The following TIMM17B variants were observed in gnomAD, a reference collection of about 807,000 sequenced individuals.
TIMM17B encodes the protein translocase of inner mitochondrial membrane 17B.
In TIMM17B, 10 loss-of-function variants were observed where a neutral mutation model predicts 15.9. That is an observed-to-expected ratio of 0.63 (90% CI 0.39 to 1.06). TIMM17B has a LOEUF of 1.06. Ranked by LOEUF, TIMM17B falls within the 50% of genes least tolerant of loss-of-function variation. The pLI is 0.01. For missense variants in TIMM17B, 114 were observed against 152.2 expected, an observed-to-expected ratio of 0.75 and a Z score of 1.32; for synonymous variants, 57 against 57.2, an observed-to-expected ratio of 1.00 and a Z score of 0.02.
chrX:48,897,078 G>A (rs1040195828), intron 2 of TIMM17B: 6 of 798,034 alleles, frequency 7.5e-6, no homozygotes, highest in Non-Finnish European at 1.0e-5. Flanking sequence ...ATTAGTCTTC[G>A]CCCTGTCTAC....
At chrX:48,896,176 A>G (rs2063310109) in intron 3 of TIMM17B, 1 of 95,785 alleles carries the variant, frequency 1.0e-5, no homozygotes, top group Non-Finnish European at 2.1e-5. Flanking sequence ...AAAAAAAAAC[A>G]TGGCCAGGCA....
At chrX:48,896,647 C>T (rs2063315848) in intron 3 of TIMM17B, 112 bp downstream of exon 2, 3 of 1,134,805 alleles carry the variant, frequency 2.6e-6, no homozygotes, top group Non-Finnish European at 3.5e-6. Flanking sequence ...GGTGAGTGGG[C>T]ACCAGAATGA....
intron 6 of TIMM17B, 23 bp downstream of exon 5, chrX:48,893,877 T>TC (rs781898500): frequency 1.7e-6 from 2 of 1,191,694 alleles, no homozygotes; most frequent in South Asian, 3.6e-5. Flanking sequence ...TATTTCCCAC[T>TC]CCCCCGACCA....
At chrX:48,895,057 G>A in exon 4 of TIMM17B, 1 of 1,201,288 alleles carries the variant, frequency 8.3e-7, no homozygotes, top group Non-Finnish European at 1.1e-6. Context: ...GGGGGGCTCG[G>A]ATCCTCACAG....
chrX:48,896,577 A>G, intron 3 of TIMM17B, 182 bp downstream of exon 2: 1 of 965,290 alleles, frequency 1.0e-6, no homozygotes, highest in African/African-American at 1.9e-5. Flanking sequence ...TGGAAGACAG[A>G]GGCCATGTTT....
At chrX:48,897,802 C>G (rs1290835705) in exon 2 of TIMM17B, 30 of 1,195,600 alleles carry the variant, frequency 2.5e-5, no homozygotes, top group Non-Finnish European at 3.2e-5. Flanking sequence ...TAGACGCACA[C>G]CGGCGTCGGA....
rs782293813 is a variant in TIMM17B at position 48,895,095 on chromosome X, G to A, written c.133C>T (p.Arg45Trp). The A allele has an allele frequency of 2.2e-5, 26 of 1,194,548 alleles. No individual in the cohort carries two copies. The Admixed American group carries it at 2.5e-4, about 12-fold the overall frequency. ...TTGGCACTACCTCTCAACCGGTGCC[G>A]AATTCCCTGGGGAAAGGAAGGAAGG... Residue 45 changes from arginine to tryptophan, a missense_variant, in exon 4 of 7, where the codon CGG becomes TGG. Transcript: ENST00000376582.
chrX:48,897,413 A>C, intron 2 of TIMM17B: 1 of 311,966 alleles, frequency 3.2e-6, no homozygotes. Context: ...AACTCTGGGG[A>C]TTTCCGGTCA....
chrX:48,894,323 A>C, intron 4 of TIMM17B, 98 bp from the exon 4 acceptor site: 1 of 911,711 alleles, frequency 1.1e-6, no homozygotes. Flanking sequence ...AAGAACAGGG[A>C]GAAAAACCCA....
chrX:48,894,073 G>A, intron 5 of TIMM17B, 24 bp downstream of exon 4: 1 of 1,194,868 alleles, frequency 8.4e-7, no homozygotes, highest in Non-Finnish European at 1.1e-6. Flanking sequence ...GAAGGGGCTG[G>A]GGCCAGGGCC....
chrX:48,895,405 G>C (rs781881556), intron 3 of TIMM17B: 12 of 516,505 alleles, frequency 2.3e-5, no homozygotes, highest in Middle Eastern at 3.1e-4. Flanking sequence ...AACAAGGTAG[G>C]TCTGCTCTCT....
At chrX:48,895,163 C>CT (rs1187546584) in intron 3 of TIMM17B, 62 bp from the exon 3 acceptor site, 1 of 962,058 alleles carries the variant, frequency 1.0e-6, no homozygotes, top group African/African-American at 1.9e-5. Flanking sequence ...ACGTTTCCAA[C>CT]TTTTAAGAGA....
chrX:48,897,906 G>C (rs182292494), intron 1 of TIMM17B, 138 bp from the exon 1 acceptor site: 1 of 923,933 alleles, frequency 1.1e-6, no homozygotes. Flanking sequence ...TCTGCCATTT[G>C]TTCATTGCCT....
exon 7 of TIMM17B, chrX:48,893,646 G>T: frequency 1.2e-6 from 1 of 855,488 alleles, no homozygotes; most frequent in Non-Finnish European, 1.6e-6. Context: ...GGGTCCCAGG[G>T]CTAACTGGGA....
exon 2 of TIMM17B, chrX:48,897,745 T>C: frequency 8.3e-7 from 1 of 1,209,609 alleles, no homozygotes; most frequent in Non-Finnish European, 1.1e-6. Flanking sequence ...AGCGTACTCC[T>C]CCATGGCGCT....
intron 4 of TIMM17B, 125 bp downstream of exon 3, chrX:48,894,913 C>A: frequency 3.5e-6 from 2 of 564,981 alleles, no homozygotes; most frequent in Non-Finnish European, 3.0e-6. Context: ...GGAAACATCA[C>A]CCCCCTAGAA....
chrX:48,896,859 CT>C lies in TIMM17B; in HGVS notation c.27-2del. ...GCAATCATCCACAATTCGCCATGGG[CT>C]GCAAGCAGGAAGGGAAGGACGGGGT... On this transcript the variant is annotated splice_acceptor_variant, in intron 2 of 6. Coordinates refer to ENST00000376582, the Ensembl canonical transcript of TIMM17B. LOFTEE classifies it high-confidence loss of function. The C allele has an allele frequency of 8.3e-7, 1 of 1,210,665 alleles. No homozygotes were observed. The highest frequency in any genetic ancestry group is 1.1e-6 in the Non-Finnish European group (1 of 895,196).
chrX:48,897,414 T>C (rs1557039755), intron 2 of TIMM17B: 3 of 314,759 alleles, frequency 9.5e-6, no homozygotes, highest in Admixed American at 5.5e-5. Flanking sequence ...ACTCTGGGGA[T>C]TTCCGGTCAA....
In TIMM17B at chrX:48,894,000, C is replaced by T. The variant is rs782767533; in HGVS notation, c.330G>A (p.Leu110=). 1,101 of 1,204,415 alleles carry T rather than the reference C, an allele frequency of 9.1e-4. 9 individuals carry two copies. In the South Asian group the frequency reaches 0.018, roughly 20 times the overall value. ...CCATCATTGCTGAGCCCACCATGGC[C>T]AGTGGGCCACCTGGGGGAGTTGGAG... The change falls in exon 6 of 7, where the codon CTG becomes CTA. Residue 110 remains leucine, a synonymous_variant. Coordinates refer to ENST00000376582, the Ensembl canonical transcript of TIMM17B.
Sources: gnomAD v4.1 joint callset for allele counts on GRCh38, gnomAD v4.1.1 for gene constraint, MANE v1.5 for transcripts, NCBI Gene and HGNC (gene_info 2026-07-23, HGNC 2026-07-21) for gene names.